The following FHOD3 variants were observed in gnomAD, a reference collection of about 807,000 sequenced individuals.
FHOD3 encodes the protein FH1/FH2 domain-containing protein 3.
A neutral mutation model predicts 173.0 loss-of-function variants in FHOD3; 90 were observed. The observed-to-expected ratio is 0.52, with a 90% CI of 0.44 to 0.62. The LOEUF is 0.62. FHOD3 is among the 20% of genes least tolerant of loss of function. The pLI, the probability that FHOD3 is intolerant of heterozygous loss-of-function variation, is 0.00. For synonymous variants in FHOD3, 828 were observed against 823.0 expected, an observed-to-expected ratio of 1.01 and a Z score of -0.10; for missense variants, 1,945 against 2,034.7, an observed-to-expected ratio of 0.96 and a Z score of 0.85.
chr18:36,616,997 C>T (rs2148682282), intron 9 of FHOD3, among the ~76,000 whole-genome samples: 1 of 152,280 alleles, frequency 6.6e-6, no homozygotes, highest in South Asian at 2.1e-4. Context: ...TTCACAAGGT[C>T]ATCTCACCCA....
intron 28 of FHOD3, among the ~76,000 whole-genome samples, chr18:36,777,009 A>G (rs1346440670): frequency 6.6e-6 from 1 of 152,198 alleles, no homozygotes; most frequent in Non-Finnish European, 1.5e-5. Context: ...CAAATGTGCA[A>G]ACAGAATTGT....
intron 9 of FHOD3, among the ~76,000 whole-genome samples, chr18:36,612,977 T>C (rs767132050): frequency 3.9e-5 from 6 of 152,198 alleles, no homozygotes; most frequent in Non-Finnish European, 7.3e-5. Context: ...TTCCTTTCTT[T>C]ATGTTGTCAT....
chr18:36,761,977 A>G (rs2042900279), intron 27 of FHOD3, among the ~76,000 whole-genome samples: 1 of 152,004 alleles, frequency 6.6e-6, no homozygotes, highest in Non-Finnish European at 1.5e-5. Flanking sequence ...GAGTGAACAG[A>G]TGAATATTGC....
chr18:36,503,563 C>G (rs1386240195), intron 4 of FHOD3, among the ~76,000 whole-genome samples: 1 of 152,186 alleles, frequency 6.6e-6, no homozygotes, highest in Admixed American at 6.5e-5. Flanking sequence ...TTCCAACAGC[C>G]ATGGTTTTGA....
At chr18:36,308,061 T>G (rs2092149918) in intron 1 of FHOD3, among the ~76,000 whole-genome samples, 1 of 152,226 alleles carries the variant, frequency 6.6e-6, no homozygotes. Flanking sequence ...TGAGGGAAAG[T>G]GCTCTTTCTT....
At chr18:36,612,880 G>A (rs1198883928) in intron 9 of FHOD3, among the ~76,000 whole-genome samples, 1 of 152,222 alleles carries the variant, frequency 6.6e-6, no homozygotes, top group African/African-American at 2.4e-5. Context: ...TTCTTGGGGT[G>A]TGTGCATTCT....
Position 36,355,530 on chromosome 18 carries a change from C to G in FHOD3, c.166-9C>G, listed in dbSNP as rs371041805. On this transcript the variant is annotated splice_polypyrimidine_tract_variant and intron_variant, in intron 1 of 28. Transcript: ENST00000590592. ...GCAGGTTGGGTATAACAGGCTCTTT[C>G]TCTTGCAGCTGGATGACTGTACTCT... 2.5e-6 allele frequency: 4 copies of G among 1,613,544 alleles called. No homozygotes were observed. Among genetic ancestry groups the G allele is most frequent in the Non-Finnish European group, 3.4e-6 (4 of 1,179,632 alleles).
At chr18:36,542,574 T>C (rs886899583) in intron 5 of FHOD3, among the ~76,000 whole-genome samples, 2 of 152,242 alleles carry the variant, frequency 1.3e-5, no homozygotes, top group Admixed American at 1.3e-4. Flanking sequence ...ATTATCTTTT[T>C]ATTGTTTCCC....
chr18:36,761,574 G>A (rs867716752), intron 27 of FHOD3, among the ~76,000 whole-genome samples: 1 of 152,064 alleles, frequency 6.6e-6, no homozygotes, highest in South Asian at 2.1e-4. Flanking sequence ...CACGCTGCTC[G>A]TCCTAGAGTC....
chr18:36,503,894 C>A (rs2055163357), intron 4 of FHOD3, among the ~76,000 whole-genome samples: 1 of 152,154 alleles, frequency 6.6e-6, no homozygotes, highest in African/African-American at 2.4e-5. Flanking sequence ...TAAGGCATGC[C>A]CTTTCTGTTC....
At chr18:36,559,497 A>G (rs1480527045) in intron 5 of FHOD3, among the ~76,000 whole-genome samples, 1 of 152,062 alleles carries the variant, frequency 6.6e-6, no homozygotes, top group Non-Finnish European at 1.5e-5. Flanking sequence ...ATTACCTACC[A>G]TTCACCTACA....
chr18:36,657,807 A>T (rs747029277), intron 13 of FHOD3, among the ~76,000 whole-genome samples: 1 of 152,242 alleles, frequency 6.6e-6, no homozygotes, highest in African/African-American at 2.4e-5. Flanking sequence ...GTACATTTTA[A>T]AAAACAGGAA....
At chr18:36,407,410 G>T (rs1240590272) in intron 3 of FHOD3, among the ~76,000 whole-genome samples, 1 of 152,132 alleles carries the variant, frequency 6.6e-6, no homozygotes, top group African/African-American at 2.4e-5. Context: ...TAATGATGGT[G>T]GTAACAGCCC....
At chr18:36,514,305 G>A (rs8095453) in intron 5 of FHOD3, among the ~76,000 whole-genome samples, 2,338 of 152,106 alleles carry the variant, frequency 0.015, 53 homozygotes, top group African/African-American at 0.051. Context: ...CACTGCACCC[G>A]GCCTCTATTC....
chr18:36,678,701 G>C (rs1030493357), intron 14 of FHOD3, among the ~76,000 whole-genome samples: 2 of 151,572 alleles, frequency 1.3e-5, no homozygotes, highest in African/African-American at 4.9e-5. Flanking sequence ...TGAATTTAAA[G>C]CTTTTTCTGC....
At chr18:36,739,958 T>A (rs2150032880) in intron 20 of FHOD3, among the ~76,000 whole-genome samples, 1 of 152,294 alleles carries the variant, frequency 6.6e-6, no homozygotes, top group African/African-American at 2.4e-5. Context: ...TGTGCCTGGC[T>A]AAGATTTCCA....
intron 3 of FHOD3, among the ~76,000 whole-genome samples, chr18:36,419,779 T>C (rs560763180): frequency 4.3e-4 from 66 of 152,156 alleles, no homozygotes; most frequent in Non-Finnish European, 7.9e-4. Context: ...TGGCCACATG[T>C]GGCCAGGGAG....
chr18:36,747,260 C>G (rs570338580), intron 24 of FHOD3, 125 bp downstream of exon 24: 1 of 618,688 alleles, frequency 1.6e-6, no homozygotes, highest in East Asian at 3.0e-5. Context: ...ATAGCAAGTA[C>G]ACTGATGATA....
intron 3 of FHOD3, among the ~76,000 whole-genome samples, chr18:36,431,885 T>C (rs986840404): frequency 2.8e-4 from 42 of 152,282 alleles, no homozygotes; most frequent in Admixed American, 2.4e-3. Flanking sequence ...TTGAAAAATA[T>C]ACTGTGACTG....
Sources: gnomAD v4.1 joint callset for allele counts (sites outside exome capture counted in the v4.1 genomes callset) on GRCh38, gnomAD v4.1.1 for gene constraint, MANE v1.5 for transcripts, NCBI Gene and HGNC (gene_info 2026-07-23, HGNC 2026-07-21) for gene names.